The following PTPRD variants were observed in gnomAD, a reference collection of about 807,000 sequenced individuals.
The protein encoded by PTPRD is receptor-type tyrosine-protein phosphatase delta.
In PTPRD, 34 loss-of-function variants were observed where a neutral mutation model predicts 214.5. The observed-to-expected ratio is 0.16, with a 90% CI of 0.12 to 0.21. PTPRD has a LOEUF of 0.21. Among genes scored for constraint, PTPRD ranks in the 10% least tolerant of loss-of-function variants. The pLI, the probability that PTPRD is intolerant of heterozygous loss-of-function variation, is 1.00. For synonymous variants in PTPRD, 1,128 were observed against 845.7 expected (o/e 1.33, Z -5.79); for missense variants, 2,545 against 2,398.7 (o/e 1.06, Z -1.27).
intron 10 of PTPRD, among the ~76,000 whole-genome samples, chr9:9,066,199 A>T (rs193210653): frequency 6.6e-6 from 1 of 152,122 alleles, no homozygotes; most frequent in Non-Finnish European, 1.5e-5. Flanking sequence ...ATCAATTAGG[A>T]TGGGTCCTTT....
At chr9:10,288,132 A>C (rs2154398416) in intron 3 of PTPRD, among the ~76,000 whole-genome samples, 1 of 118,098 alleles carries the variant, frequency 8.5e-6, no homozygotes, top group African/African-American at 3.3e-5. Flanking sequence ...ACTTGGAAAC[A>C]CAGAATCAAC....
intron 2 of PTPRD, among the ~76,000 whole-genome samples, chr9:10,491,763 T>C (rs1010610492): frequency 6.6e-6 from 1 of 152,064 alleles, no homozygotes; most frequent in Non-Finnish European, 1.5e-5. Context: ...GTGCAGAACA[T>C]GCAGGTTTGT....
At chr9:10,352,654 C>A (rs60973728) in intron 2 of PTPRD, among the ~76,000 whole-genome samples, 3,494 of 152,082 alleles carry the variant, frequency 0.023, 120 homozygotes, top group African/African-American at 0.07. Context: ...CTTGTTCAAG[C>A]ATTTTGAGGT....
chr9:9,104,877 G>C (rs2099796322), intron 10 of PTPRD, among the ~76,000 whole-genome samples: 1 of 152,180 alleles, frequency 6.6e-6, no homozygotes, highest in African/African-American at 2.4e-5. Context: ...CCACGAGTGA[G>C]ACAAACAAAC....
intron 5 of PTPRD, among the ~76,000 whole-genome samples, chr9:9,838,016 G>T (rs1442323233): frequency 1.3e-5 from 2 of 152,094 alleles, no homozygotes; most frequent in African/African-American, 4.8e-5. Flanking sequence ...AGAACACACG[G>T]TGTTTGGTTT....
rs757141515 is a variant in PTPRD at position 8,465,552 on chromosome 9, G to A, written c.3628C>T (p.His1210Tyr). The A allele has an allele frequency of 6.2e-7, 1 of 1,612,598 alleles. No individual in the cohort carries two copies. Among genetic ancestry groups the A allele is most frequent in the Non-Finnish European group, 8.5e-7 (1 of 1,179,066 alleles). ...PTEFTLGDDKHYGGFTNKQLQ... is the reference protein window; with the variant it reads ...PTEFTLGDDKYYGGFTNKQLQ... ...TGCTTGTTTGTAAATCCACCATAAT[G>A]CTTGTCATCCCCCAGGGTGAACTCA... is the stretch of plus-strand genomic sequence containing the variant. Residue 1210 changes from histidine (H) to tyrosine (Y), a missense_variant, in exon 32 of 46, where the codon CAT becomes TAT. By Grantham distance (83) the His-to-Tyr change is moderately conservative. Coordinates refer to ENST00000381196, the MANE Select transcript of PTPRD (RefSeq NM_002839.4).
At chr9:9,921,964 T>C (rs1269768729) in intron 5 of PTPRD, among the ~76,000 whole-genome samples, 2 of 152,016 alleles carry the variant, frequency 1.3e-5, no homozygotes, top group African/African-American at 2.4e-5. Flanking sequence ...GTCCAAGCAG[T>C]GTCGTTGTAA....
intron 3 of PTPRD, among the ~76,000 whole-genome samples, chr9:10,176,704 A>G (rs1056860389): frequency 6.6e-6 from 1 of 152,004 alleles, no homozygotes; most frequent in Non-Finnish European, 1.5e-5. Flanking sequence ...ATCCTCAACC[A>G]TGTTTATGAG....
At chr9:8,615,466 T>C (rs907611449) in intron 14 of PTPRD, among the ~76,000 whole-genome samples, 1 of 152,124 alleles carries the variant, frequency 6.6e-6, no homozygotes, top group Non-Finnish European at 1.5e-5. Context: ...TTTGTCCTCT[T>C]AGGTGTGGAC....
At chr9:9,248,582 T>C (rs568195114) in intron 9 of PTPRD, among the ~76,000 whole-genome samples, 3 of 152,212 alleles carry the variant, frequency 2.0e-5, no homozygotes, top group Middle Eastern at 3.4e-3. Flanking sequence ...TGTTTATATG[T>C]CATCTCTGAT....
chr9:9,953,521 CACAT>C (rs376614417), intron 4 of PTPRD, among the ~76,000 whole-genome samples: 2 of 148,968 alleles, frequency 1.3e-5, no homozygotes, highest in Non-Finnish European at 2.9e-5. Context: ...CACACACACA[CACAT>C]ACATACACAC....
At chr9:8,478,381 A>G (rs1419008839) in intron 30 of PTPRD, among the ~76,000 whole-genome samples, 7 of 152,202 alleles carry the variant, frequency 4.6e-5, no homozygotes, top group Non-Finnish European at 1.5e-5. Flanking sequence ...AAAGTTGAGA[A>G]CAAATTAGTA....
At chr9:8,783,484 G>C (rs2095820478) in intron 11 of PTPRD, among the ~76,000 whole-genome samples, 1 of 152,126 alleles carries the variant, frequency 6.6e-6, no homozygotes, top group Admixed American at 6.6e-5. Context: ...GTGATTCTAT[G>C]GAGTAAATAA....
At chr9:9,088,294 A>G (rs578103906) in intron 10 of PTPRD, among the ~76,000 whole-genome samples, 6 of 151,158 alleles carry the variant, frequency 4.0e-5, no homozygotes, top group African/African-American at 1.5e-4. Context: ...TGAACTAATA[A>G]AATGAAATCT....
At chr9:9,908,037 G>T (rs1045592264) in intron 5 of PTPRD, among the ~76,000 whole-genome samples, 1 of 151,030 alleles carries the variant, frequency 6.6e-6, no homozygotes, top group Non-Finnish European at 1.5e-5. Flanking sequence ...ATTATAATAT[G>T]AGAACATATA....
intron 9 of PTPRD, among the ~76,000 whole-genome samples, chr9:9,229,311 T>TA (rs1047500392): frequency 1.1e-4 from 16 of 151,534 alleles, no homozygotes; most frequent in Admixed American, 4.0e-4. Context: ...TTTAGTTAAG[T>TA]AAAAAAAAAT....
At chr9:10,281,449 T>C (rs1254586781) in intron 3 of PTPRD, among the ~76,000 whole-genome samples, 1 of 152,016 alleles carries the variant, frequency 6.6e-6, no homozygotes, top group African/African-American at 2.4e-5. Context: ...AATGTCCAAA[T>C]CTCACCTAAT....
Position 10,564,141 on chromosome 9 carries a change from C to T in PTPRD, c.-600+48257G>A, listed in dbSNP as rs565371282. 2.3e-3 allele frequency among the ~76,000 whole-genome samples: 284 copies of T among 122,026 alleles called. 3 individuals are homozygous for T. The highest frequency in any genetic ancestry group is 7.9e-3 in the African/African-American group (271 of 34,312). 80.1% of individuals were successfully genotyped at this position (122,026 alleles called of 152,430 possible). A position where few individuals can be genotyped will look rare whatever the true frequency, so the allele number is the denominator to read the frequency against. On this transcript the variant is annotated intron_variant, in intron 2 of 45. Coordinates refer to ENST00000381196, the MANE Select transcript of PTPRD (RefSeq NM_002839.4). The stretch of plus-strand genomic sequence containing the variant: ...CAGCCTCCCGAGTGCTGGGACTACT[C>T]GGGAGTGTGCACCACCACACTAGGC...
intron 11 of PTPRD, among the ~76,000 whole-genome samples, chr9:8,841,525 A>G (rs561154539): frequency 2.6e-5 from 4 of 152,328 alleles, no homozygotes; most frequent in East Asian, 1.9e-4. Context: ...AAATGCCCTC[A>G]GCATTGTATA....
Sources: allele counts gnomAD v4.1 joint callset (sites outside exome capture counted in the v4.1 genomes callset), GRCh38; gene constraint gnomAD v4.1.1; transcripts MANE v1.5; gene names NCBI Gene and HGNC (gene_info 2026-07-23, HGNC 2026-07-21).